FDFT1: variants seen among roughly 807,000 people sequenced by gnomAD.
FDFT1 encodes the protein squalene synthase.
A neutral mutation model predicts 46.8 loss-of-function variants in FDFT1; 68 were observed. The ratio of observed to expected loss-of-function variants is 1.45; its 90% CI spans 1.19 to 1.78. The LOEUF is 1.78. FDFT1 is among the 40% of genes most tolerant of loss of function. The pLI, the probability that FDFT1 is intolerant of heterozygous loss-of-function variation, is 0.00. For synonymous variants in FDFT1, 351 were observed against 185.1 expected (o/e 1.90, Z -7.28); for missense variants, 928 against 524.4 (o/e 1.77, Z -7.52).
At chr8:11,817,803 C>T (rs1808667461) in intron 3 of FDFT1, among the ~76,000 whole-genome samples, 1 of 149,478 alleles carries the variant, frequency 6.7e-6, no homozygotes, top group African/African-American at 2.5e-5. Context: ...TTTCAAAAAA[C>T]CAGCTCCTGG....
intron 3 of FDFT1, among the ~76,000 whole-genome samples, chr8:11,821,135 A>G (rs1412387430): frequency 2.0e-5 from 3 of 152,216 alleles, no homozygotes; most frequent in Non-Finnish European, 4.4e-5. Flanking sequence ...GTTTCTCTAA[A>G]CAAGCTGTTC....
chr8:11,808,970 AT>A, intron 2 of FDFT1, 79 bp downstream of exon 2: 1 of 1,552,618 alleles, frequency 6.4e-7, no homozygotes, highest in Non-Finnish European at 8.7e-7. Context: ...CTACCTTTTG[AT>A]ATAGCGCTCA....
At chr8:11,837,379 A>G (rs1433089566) in intron 7 of FDFT1, among the ~76,000 whole-genome samples, 1 of 152,184 alleles carries the variant, frequency 6.6e-6, no homozygotes, top group Non-Finnish European at 1.5e-5. Context: ...CCACAGGTGC[A>G]TGCCACGATG....
At chr8:11,798,967 C>A (rs545503699), upstream of FDFT1, among the ~76,000 whole-genome samples, 3 of 152,166 alleles carry the variant, frequency 2.0e-5, no homozygotes, top group African/African-American at 7.2e-5. Flanking sequence ...AAGGAAAAGG[C>A]GTTTGAGGTA....
Position 11,808,807 on chromosome 8 carries a change from G to A in FDFT1, c.113G>A (p.Ser38Asn), listed in dbSNP as rs1230216491. Reference protein sequence around the residue: ...MPKMDQDSLSSSLKTCYKYLN... With the variant: ...MPKMDQDSLSNSLKTCYKYLN... ...GTCTGCCCGCAGGACTCGCTCAGCA[G>A]CAGCCTGAAAACTTGCTACAAGTAT... Residue 38 changes from serine (S) to asparagine (N), a missense_variant, in exon 2 of 8, where the codon AGC becomes AAC. By Grantham distance (46) the Ser-to-Asn change is conservative. Transcript: ENST00000220584. 1.9e-6 allele frequency: 3 copies of A among 1,613,470 alleles called. No homozygotes were observed. Among genetic ancestry groups the A allele is most frequent in the African/African-American group, 2.7e-5 (2 of 74,944 alleles).
At chr8:11,796,021 T>C (rs959508747) in intron 1 of FDFT1, 2 of 152,260 alleles carry the variant, frequency 1.3e-5, no homozygotes, top group Admixed American at 6.5e-5. Context: ...GGTGAAAGAT[T>C]GGTTTAGTTC....
At chr8:11,808,261 AG>A (rs1157153086) in intron 1 of FDFT1, 8 of 1,210,330 alleles carry the variant, frequency 6.6e-6, no homozygotes, top group Non-Finnish European at 8.2e-6. Flanking sequence ...TGTCACTGGG[AG>A]GACGAGCGAG....
rs752019655 is a variant in FDFT1 at position 11,821,889 on chromosome 8, TAA to T, written c.510+14_510+15del. 3.7e-5 allele frequency: 60 copies of T among 1,611,578 alleles called. No homozygotes were observed. The South Asian group carries it at 6.4e-4, about 17-fold the overall frequency. On this transcript the variant is annotated intron_variant, in intron 4 of 7. Transcript: ENST00000220584. ...CAGGAGTGGGACAAGGTTAGTCTCA[TAA>T]AACAGTGTCTGTGTGTGATGTATTA...
chr8:11,822,293 G>C (rs1391010729), intron 4 of FDFT1, among the ~76,000 whole-genome samples: 4 of 152,040 alleles, frequency 2.6e-5, no homozygotes, highest in Non-Finnish European at 5.9e-5. Context: ...AGCAGGCAGA[G>C]ACATTTCAGA....
In FDFT1 at chr8:11,802,888, T is replaced by A; in HGVS notation, c.56T>A (p.Phe19Tyr). ...GAAGAGTTCTACAACCTGGTGCGCT[T>A]CCGGATCGGGGGCAAGCGGAAGGTG... ...HPEEFYNLVRFRIGGKRKVMP... is the reference protein window; with the variant it reads ...HPEEFYNLVRYRIGGKRKVMP... Residue 19 changes from phenylalanine (F) to tyrosine (Y), a missense_variant, in exon 1 of 8, where the codon TTC becomes TAC. Coordinates refer to ENST00000220584, the MANE Select transcript of FDFT1 (RefSeq NM_004462.5). The A allele has an allele frequency of 6.2e-7, 1 of 1,612,160 alleles. No individual in the cohort carries two copies.
chr8:11,804,057 G>C (rs9650662), intron 1 of FDFT1, among the ~76,000 whole-genome samples: 24,039 of 152,218 alleles, frequency 0.16, 2,406 homozygotes, highest in East Asian at 0.47. Flanking sequence ...TTGACGACCA[G>C]TTGTATATCA....
chr8:11,806,584 G>A (rs1225762368), intron 1 of FDFT1, among the ~76,000 whole-genome samples: 2 of 152,112 alleles, frequency 1.3e-5, no homozygotes, highest in South Asian at 2.1e-4. Flanking sequence ...TAGGGGGACC[G>A]TGTCTTGGCA....
intron 1 of FDFT1, chr8:11,803,413 A>G (rs1420368087): frequency 2.3e-6 from 3 of 1,288,742 alleles, no homozygotes; most frequent in African/African-American, 1.5e-5. Context: ...GCTGCCTTCC[A>G]TCGCTTCATC....
upstream of FDFT1, among the ~76,000 whole-genome samples, chr8:11,801,021 A>G (rs1806064633): frequency 6.6e-6 from 1 of 152,220 alleles, no homozygotes; most frequent in Non-Finnish European, 1.5e-5. Context: ...ATAGGCAAGT[A>G]GACCCCCACT....
chr8:11,834,794 A>G (rs1221015586), intron 7 of FDFT1, among the ~76,000 whole-genome samples: 1 of 152,184 alleles, frequency 6.6e-6, no homozygotes. Flanking sequence ...ACAAGAGCTT[A>G]TTTCAGTCTA....
intron 4 of FDFT1, among the ~76,000 whole-genome samples, chr8:11,824,355 C>T (rs925446800): frequency 1.3e-5 from 2 of 152,162 alleles, no homozygotes; most frequent in African/African-American, 4.8e-5. Context: ...GTTGCATTTA[C>T]TGAAATCTCT....
intron 3 of FDFT1, among the ~76,000 whole-genome samples, chr8:11,818,444 TA>T (rs1436543133): frequency 6.6e-6 from 1 of 152,216 alleles, no homozygotes; most frequent in Admixed American, 6.5e-5. Flanking sequence ...TTGATCTATC[TA>T]ATATTGACAG....
chr8:11,812,510 T>G (rs949663377), intron 3 of FDFT1, among the ~76,000 whole-genome samples: 1 of 152,220 alleles, frequency 6.6e-6, no homozygotes, highest in Admixed American at 6.5e-5. Flanking sequence ...ATCAGCTGTC[T>G]GTGCCCTGCT....
intron 3 of FDFT1, among the ~76,000 whole-genome samples, chr8:11,816,460 G>A (rs1328663389): frequency 6.6e-6 from 1 of 152,224 alleles, no homozygotes; most frequent in African/African-American, 2.4e-5. Flanking sequence ...ACCTTGGGCA[G>A]TATAGCCATT....
Sources: allele counts gnomAD v4.1 joint callset (sites outside exome capture counted in the v4.1 genomes callset), GRCh38; gene constraint gnomAD v4.1.1; transcripts MANE v1.5; gene names NCBI Gene and HGNC (gene_info 2026-07-23, HGNC 2026-07-21).